MEIS2: variants seen among roughly 807,000 people sequenced by gnomAD.
MEIS2 encodes the protein Meis homeobox 2, also known as homeobox protein Meis2.
A neutral mutation model predicts 58.6 loss-of-function variants in MEIS2; 9 were observed. The observed-to-expected ratio is 0.15, with a 90% CI of 0.09 to 0.27. MEIS2 has a LOEUF of 0.27. Among genes scored for constraint, MEIS2 ranks in the 10% least tolerant of loss-of-function variants. MEIS2 has a pLI of 1.00. For missense variants in MEIS2, 427 were observed against 635.0 expected, an observed-to-expected ratio of 0.67 and a Z score of 3.52; for synonymous variants, 221 against 228.4, an observed-to-expected ratio of 0.97 and a Z score of 0.29.
intron 8 of MEIS2, among the ~76,000 whole-genome samples, chr15:37,035,630 T>C (rs1197839759): frequency 6.6e-6 from 1 of 152,140 alleles, no homozygotes; most frequent in Non-Finnish European, 1.5e-5. Context: ...CCTCATTGGT[T>C]CTCCCAGCTA....
chr15:37,066,826 G>C (rs939299281), intron 7 of MEIS2, among the ~76,000 whole-genome samples: 1 of 152,086 alleles, frequency 6.6e-6, no homozygotes, highest in African/African-American at 2.4e-5. Context: ...GCCCAGGCTG[G>C]AGTGCAGTGG....
intron 8 of MEIS2, among the ~76,000 whole-genome samples, chr15:36,952,384 A>C (rs1443267616): frequency 1.3e-5 from 2 of 152,192 alleles, no homozygotes; most frequent in African/African-American, 4.8e-5. Context: ...TACCCAACAG[A>C]AATATATTTT....
At chr15:37,058,512 G>A (rs572010373) in intron 7 of MEIS2, among the ~76,000 whole-genome samples, 1 of 152,262 alleles carries the variant, frequency 6.6e-6, no homozygotes, top group Admixed American at 6.5e-5. Flanking sequence ...TCCTTCCTAG[G>A]TCAAAAGGTC....
chr15:37,046,550 A>G (rs1402727186), intron 7 of MEIS2, among the ~76,000 whole-genome samples: 2 of 152,206 alleles, frequency 1.3e-5, no homozygotes, highest in Admixed American at 6.5e-5. Flanking sequence ...AGATGGACAC[A>G]TATGTAAATG....
chr15:37,101,310 G>A (rs1230331781), upstream of MEIS2: 3 of 59,878 alleles, frequency 5.0e-5, no homozygotes, highest in East Asian at 1.3e-3. Flanking sequence ...AGGCGTGTGT[G>A]TGTGTGTGTG....
At chr15:37,025,687 G>A (rs1272890659) in intron 8 of MEIS2, among the ~76,000 whole-genome samples, 1 of 146,062 alleles carries the variant, frequency 6.8e-6, no homozygotes. Context: ...AATAGCCATG[G>A]ACAAACGGGT....
chr15:37,020,098 A>G (rs2061473948), intron 8 of MEIS2, among the ~76,000 whole-genome samples: 1 of 152,130 alleles, frequency 6.6e-6, no homozygotes, highest in Non-Finnish European at 1.5e-5. Flanking sequence ...CTTTTTGTGC[A>G]GCAAAGAGCC....
chr15:37,098,044 C>A lies in MEIS2; in HGVS notation c.168G>T (p.Pro56=), dbSNP rs1048718373. Residue 56 remains proline (P), a synonymous_variant, in exon 2 of 12, where the codon CCG becomes CCT. Coordinates refer to ENST00000561208, the MANE Select transcript of MEIS2 (RefSeq NM_170675.5). The stretch of plus-strand genomic sequence containing the variant: ...TACTGGCCGGCATGACATTGGGGTG[C>A]GGGGCGTGCGCGCCGTAGTGCTGTG... ...HATQHYGAHA[P]HPNVMPASMG... 6.2e-7 allele frequency: 1 copy of A among 1,613,178 alleles called. No individual in the cohort carries two copies. Among genetic ancestry groups the A allele is most frequent in the South Asian group, 1.1e-5 (1 of 90,946 alleles).
chr15:36,977,865 C>G (rs138781858), intron 8 of MEIS2, among the ~76,000 whole-genome samples: 2 of 152,258 alleles, frequency 1.3e-5, no homozygotes, highest in East Asian at 3.9e-4. Flanking sequence ...AAAAGTGTAA[C>G]CAGAGGAGAG....
chr15:37,014,219 A>T lies in MEIS2; in HGVS notation c.900+22595T>A, dbSNP rs1000864546. Among the ~76,000 whole-genome samples, 19 of 152,350 alleles carry T rather than the reference A, an allele frequency of 1.2e-4. No individual in the cohort carries two copies. In the East Asian group the frequency reaches 3.5e-3, roughly 28 times the overall value. The stretch of plus-strand genomic sequence containing the variant: ...AAGCGTAGACCCAGTTACAAGACAC[A>T]AAACCACAAGACCTTTATCTGCACT... On this transcript the variant is annotated intron_variant, in intron 8 of 11. Transcript: ENST00000561208.
At chr15:36,984,260 T>C (rs1215666687) in intron 8 of MEIS2, among the ~76,000 whole-genome samples, 1 of 152,164 alleles carries the variant, frequency 6.6e-6, no homozygotes, top group East Asian at 1.9e-4. Flanking sequence ...CACTGTTGAG[T>C]ATTATGTTAG....
intron 7 of MEIS2, among the ~76,000 whole-genome samples, chr15:37,072,929 C>A (rs995427619): frequency 3.9e-5 from 6 of 152,106 alleles, no homozygotes; most frequent in Non-Finnish European, 7.4e-5. Flanking sequence ...AAATACCTTA[C>A]AACCTATATG....
At chr15:36,956,948 A>G (rs1433398880) in intron 8 of MEIS2, among the ~76,000 whole-genome samples, 5 of 151,534 alleles carry the variant, frequency 3.3e-5, no homozygotes, top group African/African-American at 1.2e-4. Context: ...AAGAAGAAAA[A>G]GGAAAAGAAT....
chr15:36,969,420 C>T (rs2059459412), intron 8 of MEIS2, among the ~76,000 whole-genome samples: 1 of 152,186 alleles, frequency 6.6e-6, no homozygotes, highest in Non-Finnish European at 1.5e-5. Context: ...CCTCCCTATT[C>T]GTCCATCCTT....
chr15:36,942,842 C>T (rs1313282189), intron 9 of MEIS2, among the ~76,000 whole-genome samples: 2 of 151,968 alleles, frequency 1.3e-5, no homozygotes, highest in Admixed American at 1.3e-4. Flanking sequence ...CCCCAAGACT[C>T]TTATTTTTAA....
chr15:36,978,650 C>G (rs2059835695), intron 8 of MEIS2, among the ~76,000 whole-genome samples: 1 of 152,306 alleles, frequency 6.6e-6, no homozygotes, highest in South Asian at 2.1e-4. Context: ...TATTTTGTGT[C>G]TTTACCTCCC....
intron 9 of MEIS2, among the ~76,000 whole-genome samples, chr15:36,912,518 T>C (rs1420536732): frequency 6.6e-6 from 1 of 152,192 alleles, no homozygotes; most frequent in African/African-American, 2.4e-5. Flanking sequence ...AAGCAAACTG[T>C]ACAATAAAGG....
At position 36,991,771 on chromosome 15, in the gene MEIS2, CTTTTTTTTTTTCTTTTTTT is replaced by C. The variant is rs1300603187; in HGVS notation, c.901-41390_901-41372del. Among the ~76,000 whole-genome samples the C allele has an allele frequency of 2.7e-3, 292 of 108,626 alleles. 1 individual carries two copies. The highest frequency in any genetic ancestry group is 4.3e-3 in the South Asian group (14 of 3,220). The allele number at this position is 108,626 out of a possible 152,430, so 71.3% of individuals were successfully genotyped here. A position where few individuals can be genotyped will look rare whatever the true frequency, so the allele number is the denominator to read the frequency against. Reference sequence around the variant, plus strand: ...AAGTACATATTAAAGTGTTAATTTTCTTTTTTTTTTTCTTTTTTTTTTTTTTTTTTTTTTGAGACGGAGT... The same window carrying C: ...AAGTACATATTAAAGTGTTAATTTTCTTTTTTTTTTTTTTTGAGACGGAGT... On this transcript the variant is annotated intron_variant, in intron 8 of 11. Coordinates refer to ENST00000561208, the MANE Select transcript of MEIS2 (RefSeq NM_170675.5).
chr15:36,973,576 C>A (rs1318972138), intron 8 of MEIS2, among the ~76,000 whole-genome samples: 2 of 152,074 alleles, frequency 1.3e-5, no homozygotes, highest in Non-Finnish European at 2.9e-5. Flanking sequence ...AGTGAATAAA[C>A]CCAAAGCGTT....
Sources: allele counts gnomAD v4.1 joint callset (sites outside exome capture counted in the v4.1 genomes callset), GRCh38; gene constraint gnomAD v4.1.1; transcripts MANE v1.5; gene names NCBI Gene and HGNC (gene_info 2026-07-23, HGNC 2026-07-21).